MED12L: variants seen among roughly 807,000 people sequenced by gnomAD.
The protein encoded by MED12L is mediator complex subunit 12L.
A neutral mutation model predicts 281.3 loss-of-function variants in MED12L; 60 were observed. The ratio of observed to expected loss-of-function variants is 0.21; its 90% confidence interval spans 0.17 to 0.26. The LOEUF (loss-of-function observed/expected upper bound fraction) is 0.26, where lower values mean the gene tolerates loss of function less well. Ranked by LOEUF, MED12L falls within the 10% of genes least tolerant of loss-of-function variation. MED12L has a pLI of 1.00. For missense variants in MED12L, 2,146 were observed against 2,680.9 expected, an observed-to-expected ratio of 0.80 and a Z score of 4.41; for synonymous variants, 974 against 987.2, an observed-to-expected ratio of 0.99 and a Z score of 0.25.
intron 26 of MED12L, among the ~76,000 whole-genome samples, chr3:151,370,298 T>A (rs1436427516): frequency 6.6e-6 from 1 of 152,198 alleles, no homozygotes; most frequent in Non-Finnish European, 1.5e-5. Context: ...CTTCTTTTGG[T>A]CTTGACTCTT....
At chr3:151,194,085 C>T (rs1006419267) in intron 16 of MED12L, among the ~76,000 whole-genome samples, 1 of 151,226 alleles carries the variant, frequency 6.6e-6, no homozygotes, top group Non-Finnish European at 1.5e-5. Flanking sequence ...TTTGCCTCAG[C>T]CTCCCGAGTA....
At chr3:151,405,364 A>C (rs13327359) in intron 39 of MED12L, among the ~76,000 whole-genome samples, 17,003 of 152,228 alleles carry the variant, frequency 0.11, 1,292 homozygotes, top group Middle Eastern at 0.18. Context: ...TGCACATACA[A>C]GTCAGGTATC....
chr3:151,198,705 CTA>C, intron 16 of MED12L: 1 of 1,613,974 alleles, frequency 6.2e-7, no homozygotes, highest in Non-Finnish European at 8.5e-7. Context: ...CCCGTGGTCA[CTA>C]AAAGTATGTT....
intron 16 of MED12L, among the ~76,000 whole-genome samples, chr3:151,261,227 C>T (rs915809512): frequency 1.6e-4 from 25 of 151,956 alleles, no homozygotes; most frequent in African/African-American, 4.8e-4. Context: ...TTTGCATGAA[C>T]GAATGATGGA....
intron 36 of MED12L, 45 bp downstream of exon 36, chr3:151,385,236 G>C: frequency 1.0e-6 from 1 of 1,002,518 alleles, no homozygotes; most frequent in Non-Finnish European, 1.5e-6. Flanking sequence ...ATTTACAAAA[G>C]ATGAAATACT....
chr3:151,261,222 A>G (rs1304997896), intron 16 of MED12L, among the ~76,000 whole-genome samples: 1 of 152,138 alleles, frequency 6.6e-6, no homozygotes. Context: ...GGTATTTTGC[A>G]TGAACGAATG....
intron 16 of MED12L, chr3:151,295,348 A>G (rs1744946703): frequency 4.8e-6 from 3 of 620,466 alleles, no homozygotes; most frequent in African/African-American, 1.8e-5. Flanking sequence ...GAGTCAAGGT[A>G]GCACATTGTT....
chr3:151,372,915 CA>C, intron 27 of MED12L, 149 bp downstream of exon 27: 1 of 608,734 alleles, frequency 1.6e-6, no homozygotes, highest in East Asian at 2.8e-5. Flanking sequence ...TGAAAAGTTG[CA>C]AGAATTATTT....
chr3:151,384,314 G>A, intron 35 of MED12L, 96 bp downstream of exon 35: 1 of 1,229,634 alleles, frequency 8.1e-7, no homozygotes, highest in Non-Finnish European at 1.1e-6. Flanking sequence ...GTTATTAATT[G>A]TATTCAACTT....
intron 16 of MED12L, among the ~76,000 whole-genome samples, chr3:151,345,433 G>C (rs950758506): frequency 2.0e-5 from 3 of 151,520 alleles, no homozygotes; most frequent in African/African-American, 7.3e-5. Context: ...AAAATATTTG[G>C]TATATTTTCT....
At chr3:151,411,213 C>G in intron 40 of MED12L, 65 bp from the exon 41 acceptor site, 1 of 1,398,470 alleles carries the variant, frequency 7.2e-7, no homozygotes, top group African/African-American at 1.4e-5. Context: ...CCCCATATAT[C>G]GTAGTGATGG....
chr3:151,123,027 G>T, intron 4 of MED12L, 53 bp downstream of exon 4: 1 of 1,379,832 alleles, frequency 7.2e-7, no homozygotes, highest in South Asian at 1.4e-5. Context: ...TCAGCTGTTT[G>T]GGATAATATT....
At chr3:151,335,716 A>T (rs1405799607) in intron 16 of MED12L, among the ~76,000 whole-genome samples, 1 of 152,192 alleles carries the variant, frequency 6.6e-6, no homozygotes, top group African/African-American at 2.4e-5. Flanking sequence ...CATAAATACT[A>T]ACTCTCACAC....
intron 17 of MED12L, among the ~76,000 whole-genome samples, chr3:151,352,815 A>G (rs912898565): frequency 6.6e-6 from 1 of 152,214 alleles, no homozygotes; most frequent in African/African-American, 2.4e-5. Flanking sequence ...GAAGTTTACT[A>G]TGACAACCTT....
chr3:151,248,977 C>T (rs1378610430), intron 16 of MED12L: 1 of 152,150 alleles, frequency 6.6e-6, no homozygotes, highest in Non-Finnish European at 1.5e-5. Context: ...CTCGTGTTGA[C>T]CAGTGGGAAA....
intron 16 of MED12L, chr3:151,270,034 G>A: frequency 4.3e-6 from 1 of 233,756 alleles, no homozygotes; most frequent in Non-Finnish European, 8.4e-6. Flanking sequence ...GAAGAAGGAT[G>A]GGAAGATATT....
Sources: allele counts gnomAD v4.1 joint callset (sites outside exome capture counted in the v4.1 genomes callset), GRCh38; gene constraint gnomAD v4.1.1; transcripts MANE v1.5; gene names NCBI Gene and HGNC (gene_info 2026-07-23, HGNC 2026-07-21).